The following RBFOX1 variants were observed in gnomAD, a reference collection of about 807,000 sequenced individuals.
RBFOX1 encodes the protein RNA binding fox-1 homolog 1.
In RBFOX1, 8 loss-of-function variants were observed where a neutral mutation model predicts 57.7. The ratio of observed to expected loss-of-function variants is 0.14; its 90% confidence interval spans 0.08 to 0.25. RBFOX1 has a LOEUF of 0.25. Among genes scored for constraint, RBFOX1 ranks in the 10% least tolerant of loss-of-function variants. The pLI is 1.00. For missense variants in RBFOX1, 611 were observed against 548.5 expected (o/e 1.11, Z -1.14); for synonymous variants, 326 against 222.4 (o/e 1.47, Z -4.15).
intron 4 of RBFOX1, among the ~76,000 whole-genome samples, chr16:5,903,617 A>C (rs1379161281): frequency 6.6e-6 from 1 of 151,986 alleles, no homozygotes; most frequent in Non-Finnish European, 1.5e-5. Context: ...CCCCCATTAG[A>C]CCTATGAGAA....
intron 7 of RBFOX1, among the ~76,000 whole-genome samples, chr16:7,592,152 A>G (rs2094474566): frequency 6.6e-6 from 1 of 152,110 alleles, no homozygotes; most frequent in Non-Finnish European, 1.5e-5. Flanking sequence ...ACTTTGTCAA[A>G]TCTCAACTCT....
At chr16:5,482,021 G>T (rs945792825) in intron 2 of RBFOX1, among the ~76,000 whole-genome samples, 1 of 152,178 alleles carries the variant, frequency 6.6e-6, no homozygotes, top group Non-Finnish European at 1.5e-5. Flanking sequence ...GAGGGATACA[G>T]TTCAGCCCAT....
At chr16:5,390,490 T>C (rs1409001919) in intron 1 of RBFOX1, among the ~76,000 whole-genome samples, 1 of 152,068 alleles carries the variant, frequency 6.6e-6, no homozygotes, top group Admixed American at 6.5e-5. Context: ...GGTTTCACCG[T>C]GTTGGCCAGG....
intron 4 of RBFOX1, among the ~76,000 whole-genome samples, chr16:7,178,390 C>G (rs891516482): frequency 5.9e-5 from 9 of 152,162 alleles, no homozygotes; most frequent in African/African-American, 1.7e-4. Context: ...CTTGCAAGGA[C>G]ATGGCAAACA....
chr16:7,092,162 G>T (rs963799865), intron 4 of RBFOX1, among the ~76,000 whole-genome samples: 2 of 152,126 alleles, frequency 1.3e-5, no homozygotes, highest in Admixed American at 1.3e-4. Flanking sequence ...TTCTCAATTT[G>T]AATATAGCAT....
At position 6,920,144 on chromosome 16, in the gene RBFOX1, A is replaced by G. The variant is rs369902453; in HGVS notation, c.-15-131913A>G. On this transcript the variant is annotated intron_variant, in intron 3 of 15. Coordinates refer to ENST00000550418, the MANE Select transcript of RBFOX1 (RefSeq NM_018723.4). ...CCATTTTATGGCTGAGTCATATTCT[A>G]TGGTGTAGGTGTATTTTCTTTATCC... Among the ~76,000 whole-genome samples the G allele has an allele frequency of 5.3e-5, 8 of 152,258 alleles. No individual in the cohort carries two copies. In the East Asian group the frequency reaches 5.8e-4, roughly 11 times the overall value.
At chr16:5,916,788 A>C (rs1396570254) in intron 4 of RBFOX1, among the ~76,000 whole-genome samples, 1 of 152,076 alleles carries the variant, frequency 6.6e-6, no homozygotes, top group Non-Finnish European at 1.5e-5. Flanking sequence ...TTTACTTCTC[A>C]AAGGCACAAC....
At chr16:6,686,127 A>G (rs1359192818) in intron 3 of RBFOX1, among the ~76,000 whole-genome samples, 15 of 152,210 alleles carry the variant, frequency 9.9e-5, no homozygotes, top group African/African-American at 2.2e-4. Flanking sequence ...AGTGGGGACT[A>G]TCATTTCTTC....
At chr16:6,600,272 T>TC (rs111955448) in intron 2 of RBFOX1, among the ~76,000 whole-genome samples, 3,430 of 152,252 alleles carry the variant, frequency 0.023, 74 homozygotes, top group African/African-American at 0.062. Context: ...TTGTTCTCAG[T>TC]CCTCCCCTAC....
At chr16:7,686,488 C>T (rs11077212) in intron 14 of RBFOX1, among the ~76,000 whole-genome samples, 46 of 152,140 alleles carry the variant, frequency 3.0e-4, no homozygotes, top group African/African-American at 5.8e-4. Flanking sequence ...GAACTATCAC[C>T]GCTTTGGATT....
chr16:6,270,438 T>C (rs1778262883), intron 1 of RBFOX1, among the ~76,000 whole-genome samples: 1 of 144,076 alleles, frequency 6.9e-6, no homozygotes, highest in African/African-American at 2.6e-5. Flanking sequence ...AGCTATATTA[T>C]CAGATAAAGT....
At chr16:5,741,995 T>G (rs1318415038) in intron 3 of RBFOX1, among the ~76,000 whole-genome samples, 3 of 152,220 alleles carry the variant, frequency 2.0e-5, no homozygotes, top group Non-Finnish European at 2.9e-5. Context: ...CTCAGTCTTT[T>G]GGCACCCTGA....
chr16:7,507,753 C>T (rs558354198), intron 4 of RBFOX1, among the ~76,000 whole-genome samples: 8 of 151,808 alleles, frequency 5.3e-5, no homozygotes, highest in Admixed American at 5.2e-4. Context: ...TTAGTAGAGA[C>T]GCGGTTTCAC....
intron 4 of RBFOX1, among the ~76,000 whole-genome samples, chr16:5,883,686 C>G (rs760856075): frequency 4.8e-4 from 73 of 152,240 alleles, no homozygotes; most frequent in Non-Finnish European, 8.7e-4. Context: ...CTCTTTCTTT[C>G]TTGTTCTGAG....
At chr16:7,129,126 T>G (rs1479112825) in intron 4 of RBFOX1, among the ~76,000 whole-genome samples, 2 of 152,100 alleles carry the variant, frequency 1.3e-5, no homozygotes, top group Admixed American at 6.6e-5. Flanking sequence ...GTCATAAAGG[T>G]AATTAAACTT....
chr16:7,607,825 C>T (rs979400893), intron 10 of RBFOX1, among the ~76,000 whole-genome samples: 1 of 152,110 alleles, frequency 6.6e-6, no homozygotes, highest in African/African-American at 2.4e-5. Context: ...AAAAGTTGTC[C>T]GTCTTCGTTC....
intron 3 of RBFOX1, among the ~76,000 whole-genome samples, chr16:6,930,305 G>A (rs2076293954): frequency 1.3e-5 from 2 of 152,086 alleles, no homozygotes; most frequent in Admixed American, 6.6e-5. Flanking sequence ...TATACAAATG[G>A]CCAATATGCA....
intron 3 of RBFOX1, among the ~76,000 whole-genome samples, chr16:6,833,700 G>A (rs2092879813): frequency 6.6e-6 from 1 of 152,164 alleles, no homozygotes; most frequent in African/African-American, 2.4e-5. Flanking sequence ...CATTTGTTGT[G>A]ACCAGAGAAA....
intron 4 of RBFOX1, among the ~76,000 whole-genome samples, chr16:7,177,623 C>G (rs1363703963): frequency 1.3e-5 from 2 of 152,160 alleles, no homozygotes; most frequent in Non-Finnish European, 2.9e-5. Context: ...CAGCTCCTAT[C>G]TGAGCAAATT....
Sources: allele counts gnomAD v4.1 joint callset (sites outside exome capture counted in the v4.1 genomes callset), GRCh38; gene constraint gnomAD v4.1.1; transcripts MANE v1.5; gene names NCBI Gene and HGNC (gene_info 2026-07-23, HGNC 2026-07-21).